The following PCDHGB1 variants were observed in gnomAD, a reference collection of about 807,000 sequenced individuals.
The protein encoded by PCDHGB1 is protocadherin gamma-B1.
PCDHGB1 carries 34 observed loss-of-function variants against 56.6 expected under a neutral mutation model. The ratio of observed to expected loss-of-function variants is 0.60; its 90% CI spans 0.46 to 0.80. The LOEUF (loss-of-function observed/expected upper bound fraction) is 0.80, where lower values mean the gene tolerates loss of function less well. Ranked by LOEUF, PCDHGB1 falls within the 30% of genes least tolerant of loss-of-function variation. PCDHGB1 has a pLI of 0.00. For synonymous variants in PCDHGB1, 561 were observed against 505.9 expected, an observed-to-expected ratio of 1.11 and a Z score of -1.46; for missense variants, 1,278 against 1,204.6, an observed-to-expected ratio of 1.06 and a Z score of -0.90.
At position 141,431,211 on chromosome 5, in the gene PCDHGB1, G is replaced by C. The variant is rs1054638121; in HGVS notation, c.2410-63596G>C. Reference sequence around the variant, plus strand: ...AGTGAAAATGCAGCCACTGAGATGCGGTTCCCTCTACCCCACGCCTGGGAT... The same window carrying C: ...AGTGAAAATGCAGCCACTGAGATGCCGTTCCCTCTACCCCACGCCTGGGAT... On this transcript the variant is annotated intron_variant, in intron 1 of 3. Coordinates refer to ENST00000523390, the MANE Select transcript of PCDHGB1 (RefSeq NM_018922.3). This position sits in a 1 kb window ranked among gnomAD's most constrained non-coding sequence, Gnocchi z 4.8. 1.2e-6 allele frequency: 2 copies of C among 1,614,122 alleles called. No individual in the cohort carries two copies. Among genetic ancestry groups the C allele is most frequent in the Non-Finnish European group, 1.7e-6 (2 of 1,180,036 alleles).
intron 1 of PCDHGB1, chr5:141,427,812 G>T: frequency 6.6e-7 from 1 of 1,524,404 alleles, no homozygotes; most frequent in Non-Finnish European, 9.0e-7. Flanking sequence ...CGCACAGAGC[G>T]GGGTGGTGGT....
intron 1 of PCDHGB1, chr5:141,382,967 C>T (rs779802932): frequency 6.2e-7 from 1 of 1,609,176 alleles, no homozygotes; most frequent in Non-Finnish European, 8.5e-7. Context: ...CTGGGGACCC[C>T]CTGGGAAGCC....
chr5:141,422,961 G>A, intron 1 of PCDHGB1: 1 of 1,614,234 alleles, frequency 6.2e-7, no homozygotes, highest in Non-Finnish European at 8.5e-7. Flanking sequence ...GCGTGGAGCT[G>A]GCGCCCCGCT....
intron 1 of PCDHGB1, among the ~76,000 whole-genome samples, chr5:141,454,353 A>G (rs2098787486): frequency 1.3e-5 from 2 of 152,238 alleles, no homozygotes; most frequent in Non-Finnish European, 2.9e-5. Context: ...AGTTGATCCA[A>G]ACTTAGAAAG....
chr5:141,353,490 G>T (rs1435976682), intron 1 of PCDHGB1, among the ~76,000 whole-genome samples: 3 of 152,106 alleles, frequency 2.0e-5, no homozygotes, highest in Non-Finnish European at 4.4e-5. Flanking sequence ...TTAACACTTT[G>T]TCTCATCACA....
rs757269142 is a variant in PCDHGB1, at chr5:141,351,775, G to A, written c.1515G>A (p.Pro505=). 11 of 1,613,472 alleles carry A rather than the reference G, an allele frequency of 6.8e-6. No individual in the cohort carries two copies. The South Asian group carries it at 1.2e-4, about 18-fold the overall frequency. ...RELLSYVSVS[P]QSGVVFAQRA... ...TGTTGTCCTACGTGTCCGTGAGCCC[G>A]CAGAGCGGGGTGGTGTTCGCGCAGC... Residue 505 remains proline, a synonymous_variant, in exon 1 of 4, where the codon CCG becomes CCA. Coordinates refer to ENST00000523390, the MANE Select transcript of PCDHGB1 (RefSeq NM_018922.3).
intron 1 of PCDHGB1, among the ~76,000 whole-genome samples, chr5:141,492,170 C>A (rs1383768075): frequency 6.6e-6 from 1 of 152,226 alleles, no homozygotes; most frequent in Non-Finnish European, 1.5e-5. Context: ...ATCCCCGCAT[C>A]ACCCAACCGC....
intron 1 of PCDHGB1, chr5:141,430,951 C>T (rs200771871): frequency 3.2e-5 from 51 of 1,610,496 alleles, no homozygotes; most frequent in African/African-American, 1.5e-4. Context: ...AGCGCGGAGT[C>T]CGCATCATCC....
chr5:141,420,047 G>T lies in PCDHGB1; in HGVS notation c.2409+67378G>T. ...TACTGCAGGAGACTGCTTTGAGTCA[G>T]TTCTCTGCTCCAAGTCCGGACCTGT... On this transcript the variant is annotated intron_variant, in intron 1 of 3. Coordinates refer to ENST00000523390, the MANE Select transcript of PCDHGB1 (RefSeq NM_018922.3). 3 of 1,614,076 alleles carry T rather than the reference G, an allele frequency of 1.9e-6. No individual in the cohort carries two copies. The South Asian group carries it at 3.3e-5, about 18-fold the overall frequency.
intron 3 of PCDHGB1, among the ~76,000 whole-genome samples, chr5:141,509,622 T>C (rs2099877603): frequency 6.6e-6 from 1 of 152,186 alleles, no homozygotes; most frequent in Non-Finnish European, 1.5e-5. Flanking sequence ...AACAAGTTCC[T>C]GGGTGATGCT....
rs745835885 is a variant in PCDHGB1 at position 141,376,254 on chromosome 5, T to G, written c.2409+23585T>G. The G allele has an allele frequency of 2.5e-6, 4 of 1,614,098 alleles. No homozygotes were observed. In the African/African-American group the frequency reaches 5.3e-5, roughly 22 times the overall value. On this transcript the variant is annotated intron_variant, in intron 1 of 3. Transcript: ENST00000523390. ...CTGCAGCGCTGGCACAAGTCACGCC[T>G]GCTGCAGGCTTCGGGAGGTGGCTTA...
intron 1 of PCDHGB1, chr5:141,356,530 G>A: frequency 1.2e-6 from 2 of 1,613,812 alleles, no homozygotes; most frequent in Non-Finnish European, 1.7e-6. Flanking sequence ...GCAAGTGATG[G>A]ACATCAATGA....
rs989554651 is a variant in PCDHGB1 at position 141,372,743 on chromosome 5, T to C, written c.2409+20074T>C. 8 of 1,613,498 alleles carry C rather than the reference T, an allele frequency of 5.0e-6. No homozygotes were observed. In the Admixed American group the frequency reaches 5.0e-5, roughly 10 times the overall value. On this transcript the variant is annotated intron_variant, in intron 1 of 3. Transcript: ENST00000523390. ...CTGCACCACAAGATCTTCTATGTGA[T>C]GAAGCCTCTTGGTTTGAAAGTAATG...
At chr5:141,448,580 TTACAAAAAGATAAAA>T (rs1484851220) in intron 1 of PCDHGB1, among the ~76,000 whole-genome samples, 1 of 152,180 alleles carries the variant, frequency 6.6e-6, no homozygotes, top group Non-Finnish European at 1.5e-5. Context: ...CCCATTTTTT[TTACAAAAAGATAAAA>T]TACTATACAC....
intron 1 of PCDHGB1, among the ~76,000 whole-genome samples, chr5:141,444,758 T>C (rs1430492886): frequency 1.3e-5 from 2 of 152,262 alleles, no homozygotes; most frequent in East Asian, 3.8e-4. Flanking sequence ...TATGTAGTTC[T>C]ATTTCTATAT....
intron 1 of PCDHGB1, chr5:141,373,987 G>C: frequency 8.3e-7 from 1 of 1,199,482 alleles, no homozygotes; most frequent in South Asian, 2.3e-5. Flanking sequence ...GTCTCTGCTT[G>C]TTGAAGGACC....
intron 1 of PCDHGB1, chr5:141,394,043 G>C (rs1431547996): frequency 6.2e-7 from 1 of 1,613,576 alleles, no homozygotes; most frequent in South Asian, 1.1e-5. Context: ...GGAAATATTT[G>C]GACCGAGAAA....
intron 1 of PCDHGB1, chr5:141,441,502 T>G (rs2098250414): frequency 5.8e-6 from 1 of 173,754 alleles, no homozygotes; most frequent in African/African-American, 2.4e-5. Context: ...CTACCAGGCC[T>G]CCTACGTCGT....
intron 1 of PCDHGB1, chr5:141,385,543 C>G (rs1284826303): frequency 7.6e-7 from 1 of 1,322,422 alleles, no homozygotes; most frequent in Non-Finnish European, 9.7e-7. Context: ...AATATGTGGA[C>G]TATCACATTT....
Sources: allele counts gnomAD v4.1 joint callset (sites outside exome capture counted in the v4.1 genomes callset), GRCh38; gene constraint gnomAD v4.1.1; non-coding constraint Gnocchi (gnomAD v3.1); transcripts MANE v1.5; gene names NCBI Gene and HGNC (gene_info 2026-07-23, HGNC 2026-07-21).